DGKB: variants seen among roughly 807,000 people sequenced by gnomAD.
DGKB encodes diacylglycerol kinase beta.
A neutral mutation model predicts 114.3 loss-of-function variants in DGKB; 67 were observed. The ratio of observed to expected loss-of-function variants is 0.59; its 90% CI spans 0.48 to 0.72. The LOEUF (loss-of-function observed/expected upper bound fraction) is 0.72, where lower values mean the gene tolerates loss of function less well. DGKB is among the 30% of genes least tolerant of loss of function. DGKB has a pLI of 0.00. For synonymous variants in DGKB, 398 were observed against 323.1 expected, an observed-to-expected ratio of 1.23 and a Z score of -2.49; for missense variants, 907 against 975.2, an observed-to-expected ratio of 0.93 and a Z score of 0.93.
chr7:14,716,667 CAT>C lies in DGKB; in HGVS notation c.466+1873_466+1874del, dbSNP rs540488446. The stretch of plus-strand genomic sequence containing the variant: ...ACATATGCAATTTTAGAAGGGTAAA[CAT>C]ATGTGGTAAATTGTTAAGAAAGTGG... On this transcript the variant is annotated intron_variant, in intron 6 of 25. Coordinates refer to ENST00000402815, the MANE Select transcript of DGKB (RefSeq NM_001350709.2). 4.7e-4 allele frequency among the ~76,000 whole-genome samples: 72 copies of C among 151,972 alleles called. 1 individual carries two copies. In the South Asian group the frequency reaches 0.011, roughly 23 times the overall value.
At chr7:14,673,762 T>G (rs957330104) in intron 12 of DGKB, among the ~76,000 whole-genome samples, 1 of 152,106 alleles carries the variant, frequency 6.6e-6, no homozygotes, top group Admixed American at 6.6e-5. Flanking sequence ...ACTGAGATGG[T>G]AGTTTTTTAA....
chr7:14,635,369 T>A (rs941649371), intron 13 of DGKB, among the ~76,000 whole-genome samples: 3 of 93,628 alleles, frequency 3.2e-5, no homozygotes, highest in African/African-American at 1.6e-4. Context: ...GAAGAAATTA[T>A]GGAGGAGGGT....
intron 23 of DGKB, among the ~76,000 whole-genome samples, chr7:14,324,509 G>A (rs570272725): frequency 8.6e-5 from 13 of 150,408 alleles, no homozygotes; most frequent in South Asian, 2.1e-4. Flanking sequence ...AATGGAAACC[G>A]AACAATAGAA....
chr7:14,856,354 GT>G (rs1429342061), intron 1 of DGKB, among the ~76,000 whole-genome samples: 1 of 152,096 alleles, frequency 6.6e-6, no homozygotes, highest in Non-Finnish European at 1.5e-5. Flanking sequence ...TATGATTGAT[GT>G]TTTTTCAATT....
intron 16 of DGKB, 86 bp from the exon 17 acceptor site, chr7:14,607,594 T>C (rs1804757223): frequency 6.6e-6 from 3 of 453,434 alleles, no homozygotes; most frequent in South Asian, 9.0e-5. Flanking sequence ...ATAAAATATA[T>C]ATAGTTGCAA....
At chr7:14,660,703 C>G (rs557176923) in intron 13 of DGKB, among the ~76,000 whole-genome samples, 3 of 151,968 alleles carry the variant, frequency 2.0e-5, no homozygotes, top group East Asian at 1.9e-4. Flanking sequence ...GAAAAAACTA[C>G]TTTAAAGTTC....
chr7:14,289,004 T>C (rs576323091), intron 23 of DGKB, among the ~76,000 whole-genome samples: 170 of 152,344 alleles, frequency 1.1e-3, no homozygotes, highest in Non-Finnish European at 1.3e-3. Context: ...GACAGAGTTT[T>C]GGAATACTGT....
intron 20 of DGKB, among the ~76,000 whole-genome samples, chr7:14,549,165 A>C (rs1441305345): frequency 3.3e-5 from 5 of 152,166 alleles, no homozygotes; most frequent in Non-Finnish European, 1.5e-5. Flanking sequence ...TGGATGCCCA[A>C]GGAAGTAAGA....
intron 5 of DGKB, among the ~76,000 whole-genome samples, chr7:14,725,179 AAAAACAG>A (rs1829833533): frequency 6.6e-6 from 1 of 152,172 alleles, no homozygotes; most frequent in Non-Finnish European, 1.5e-5. Flanking sequence ...CTTGAAAACA[AAAAACAG>A]AAAACAAAAA....
At chr7:14,463,961 A>G (rs1182640509) in intron 21 of DGKB, among the ~76,000 whole-genome samples, 1 of 152,066 alleles carries the variant, frequency 6.6e-6, no homozygotes, top group African/African-American at 2.4e-5. Context: ...GGCTATAATA[A>G]CTGAGAATAA....
Position 14,717,981 on chromosome 7 carries a change from G to A in DGKB, c.466+561C>T, listed in dbSNP as rs180879256. Among the ~76,000 whole-genome samples, 7 of 152,138 alleles carry A rather than the reference G, an allele frequency of 4.6e-5. No individual in the cohort carries two copies. In the East Asian group the frequency reaches 5.8e-4, roughly 13 times the overall value. ...TCAACTGAATAGAAATTCTCTATCC[G>A]CCATGTCCTAAATTTAAGAAACAAA... is the stretch of plus-strand genomic sequence containing the variant. On this transcript the variant is annotated intron_variant, in intron 6 of 25. Coordinates refer to ENST00000402815, the MANE Select transcript of DGKB (RefSeq NM_001350709.2).
chr7:14,179,560 A>G (rs1032948779), intron 23 of DGKB, among the ~76,000 whole-genome samples: 14 of 152,010 alleles, frequency 9.2e-5, no homozygotes, highest in African/African-American at 3.4e-4. Flanking sequence ...GAAAGTGCTC[A>G]CTCCTCACTA....
intron 2 of DGKB, among the ~76,000 whole-genome samples, chr7:14,777,134 T>C (rs974690851): frequency 1.3e-5 from 2 of 152,162 alleles, no homozygotes; most frequent in South Asian, 2.1e-4. Context: ...ATTTCTTCTA[T>C]TTGGAAGACG....
At chr7:14,662,253 G>T (rs1199530885) in intron 13 of DGKB, among the ~76,000 whole-genome samples, 1 of 149,236 alleles carries the variant, frequency 6.7e-6, no homozygotes, top group African/African-American at 2.5e-5. Context: ...ATGAGAGTTG[G>T]CAGGGGCTAG....
chr7:14,613,539 G>A (rs983989189), intron 15 of DGKB, 126 bp from the exon 16 acceptor site: 1 of 609,080 alleles, frequency 1.6e-6, no homozygotes, highest in Middle Eastern at 4.4e-4. Flanking sequence ...CACAATGTGT[G>A]TGTGTGCATG....
intron 20 of DGKB, among the ~76,000 whole-genome samples, chr7:14,556,690 C>T (rs180738510): frequency 6.6e-6 from 1 of 152,152 alleles, no homozygotes; most frequent in Admixed American, 6.5e-5. Flanking sequence ...GAAATAAACC[C>T]TATTGGGTCA....
chr7:14,338,853 A>G, intron 22 of DGKB, 143 bp from the exon 23 acceptor site: 1 of 486,422 alleles, frequency 2.1e-6, no homozygotes, highest in Non-Finnish European at 3.4e-6. Flanking sequence ...AAGAACACTT[A>G]AACACTTACC....
At chr7:14,777,830 G>A (rs938460061) in intron 2 of DGKB, among the ~76,000 whole-genome samples, 1 of 152,038 alleles carries the variant, frequency 6.6e-6, no homozygotes. Context: ...AGAATTTAAG[G>A]TGTTTTTTTT....
intron 23 of DGKB, among the ~76,000 whole-genome samples, chr7:14,190,030 T>G (rs1271355564): frequency 1.3e-5 from 2 of 152,176 alleles, no homozygotes; most frequent in Admixed American, 1.3e-4. Flanking sequence ...GGACTTACAC[T>G]GCACCATAGA....
Sources: gnomAD v4.1 joint callset for allele counts (sites outside exome capture counted in the v4.1 genomes callset) on GRCh38, gnomAD v4.1.1 for gene constraint, MANE v1.5 for transcripts, NCBI Gene and HGNC (gene_info 2026-07-23, HGNC 2026-07-21) for gene names.